TACC2: variants seen among roughly 807,000 people sequenced by gnomAD.
TACC2 encodes the protein transforming acidic coiled-coil-containing protein 2.
TACC2 carries 137 observed loss-of-function variants against 227.3 expected under a neutral mutation model. The ratio of observed to expected loss-of-function variants is 0.60; its 90% CI spans 0.52 to 0.69. The LOEUF (loss-of-function observed/expected upper bound fraction) is 0.69. TACC2 is among the 30% of genes least tolerant of loss of function. TACC2 has a pLI of 0.00. For missense variants in TACC2, 3,470 were observed against 3,694.4 expected, an observed-to-expected ratio of 0.94 and a Z score of 1.57; for synonymous variants, 1,523 against 1,487.5, an observed-to-expected ratio of 1.02 and a Z score of -0.55.
chr10:122,105,286 C>A (rs1357024961), intron 5 of TACC2, among the ~76,000 whole-genome samples: 2 of 146,802 alleles, frequency 1.4e-5, no homozygotes, highest in African/African-American at 5.5e-5. Flanking sequence ...TCACATATTG[C>A]CTGTCAGTTA....
chr10:122,219,642 A>C (rs11200486), intron 11 of TACC2, among the ~76,000 whole-genome samples: 37,283 of 152,132 alleles, frequency 0.25, 5,451 homozygotes, highest in Middle Eastern at 0.39. Context: ...ACATCTGAGC[A>C]CAGGCCTCAG....
chr10:122,103,856 G>A (rs1189771775), intron 5 of TACC2, among the ~76,000 whole-genome samples: 2 of 152,176 alleles, frequency 1.3e-5, no homozygotes, highest in Admixed American at 6.5e-5. Context: ...AGGCCCAGCC[G>A]ACCAGCTGCC....
At position 122,205,658 on chromosome 10, in the gene TACC2, A is replaced by G. The variant is rs151027528; in HGVS notation, c.5972-4739A>G. Among the ~76,000 whole-genome samples, 1 of 152,178 alleles carries G rather than the reference A, an allele frequency of 6.6e-6. No homozygotes were observed. The highest frequency in any genetic ancestry group is 1.5e-5 in the Non-Finnish European group (1 of 68,018). On this transcript the variant is annotated intron_variant, in intron 8 of 22. Coordinates refer to ENST00000369005, the MANE Select transcript of TACC2 (RefSeq NM_206862.4). This position sits in a 1 kb window ranked among gnomAD's most constrained non-coding sequence, Gnocchi z 4.5. ...AGGCGCACCTGTGGCACCTGTTACGATGGGGGCCCTGAGCCCCCACCCCAG... is the reference window on the plus strand; with the variant it reads ...AGGCGCACCTGTGGCACCTGTTACGGTGGGGGCCCTGAGCCCCCACCCCAG...
At chr10:122,093,925 T>C (rs2081095870) in intron 5 of TACC2, among the ~76,000 whole-genome samples, 1 of 152,194 alleles carries the variant, frequency 6.6e-6, no homozygotes, top group Admixed American at 6.5e-5. Flanking sequence ...TAACAGACCC[T>C]GCAGGAATCT....
At position 122,083,244 on chromosome 10, in the gene TACC2, G is replaced by T; in HGVS notation, c.744G>T (p.Val248=). 1 of 1,613,524 alleles carries T rather than the reference G, an allele frequency of 6.2e-7. No homozygotes were observed. Among genetic ancestry groups the T allele is most frequent in the African/African-American group, 1.3e-5 (1 of 74,996 alleles). ...ESRQGVASVQ[V]TPEAPAAAQQ... Reference sequence around the variant, plus strand: ...GGCAGGGGGTGGCTTCTGTGCAAGTGACCCCTGAGGCCCCTGCTGCAGCCC... The same window carrying T: ...GGCAGGGGGTGGCTTCTGTGCAAGTTACCCCTGAGGCCCCTGCTGCAGCCC... Residue 248 remains valine, a synonymous_variant, in exon 4 of 23, where the codon GTG becomes GTT. Transcript: ENST00000369005.
chr10:122,218,074 A>G (rs2095447535), intron 11 of TACC2, among the ~76,000 whole-genome samples: 1 of 152,042 alleles, frequency 6.6e-6, no homozygotes, highest in South Asian at 2.1e-4. Context: ...CCTCCTGAGT[A>G]GCTAGGATTA....
chr10:122,186,107 T>G (rs1054725955), intron 7 of TACC2, among the ~76,000 whole-genome samples: 1 of 152,022 alleles, frequency 6.6e-6, no homozygotes, highest in Non-Finnish European at 1.5e-5. Flanking sequence ...TTTTGTATTT[T>G]TAGTAGAGAC....
intron 2 of TACC2, among the ~76,000 whole-genome samples, chr10:122,028,647 G>C (rs1958406639): frequency 6.6e-6 from 1 of 152,008 alleles, no homozygotes; most frequent in African/African-American, 2.4e-5. Context: ...ATTTTTCTAT[G>C]TATGTAATCA....
At chr10:122,089,129 A>G in intron 5 of TACC2, among the ~76,000 whole-genome samples, 1 of 152,116 alleles carries the variant, frequency 6.6e-6, no homozygotes, top group Admixed American at 6.5e-5. Flanking sequence ...AAAGAAAAGA[A>G]TCTTTATTGA....
In TACC2 at chr10:122,119,247, C is replaced by T. The variant is rs539799236; in HGVS notation, c.5574-13362C>T. On this transcript the variant is annotated intron_variant, in intron 5 of 22. Coordinates refer to ENST00000369005, the MANE Select transcript of TACC2 (RefSeq NM_206862.4). ...AAGTAATGCATTTATCTCCATTTTA[C>T]AGGTTCAGAAACTGAAGCTCAAAGA... Among the ~76,000 whole-genome samples the T allele has an allele frequency of 2.0e-5, 3 of 152,300 alleles. No individual in the cohort carries two copies. In the East Asian group the frequency reaches 5.8e-4, roughly 29 times the overall value.
At chr10:122,149,525 C>A (rs1326991670) in intron 7 of TACC2, among the ~76,000 whole-genome samples, 1 of 152,116 alleles carries the variant, frequency 6.6e-6, no homozygotes, top group African/African-American at 2.4e-5. Flanking sequence ...GGCAGCTGCC[C>A]CAAATTGCTC....
chr10:122,139,479 T>C (rs2090212964), intron 6 of TACC2, among the ~76,000 whole-genome samples: 1 of 152,240 alleles, frequency 6.6e-6, no homozygotes, highest in Non-Finnish European at 1.5e-5. Context: ...TTTCAGTGGC[T>C]GCCTCTGAGA....
At position 122,209,911 on chromosome 10, in the gene TACC2, C is replaced by CA. The variant is rs1278580382; in HGVS notation, c.5972-483dup. 1 of 162,844 alleles carries CA rather than the reference C, an allele frequency of 6.1e-6. No homozygotes were observed. Among genetic ancestry groups the CA allele is most frequent in the African/African-American group, 2.4e-5 (1 of 41,638 alleles). The allele number at this position is 162,844 out of a possible 1,614,324, so 10.1% of individuals were successfully genotyped here. A position where few individuals can be genotyped will look rare whatever the true frequency, so the allele number is the denominator to read the frequency against. On this transcript the variant is annotated intron_variant, in intron 8 of 22. Coordinates refer to ENST00000369005, the MANE Select transcript of TACC2 (RefSeq NM_206862.4). The surrounding 1 kb of genome is among the most constrained non-coding windows in gnomAD (Gnocchi z 4.5). ...TTCACCATGATGACCAGGCTGGTCT[C>CA]AAACTCCTGACCTCAAGTGATCTGC... is the stretch of plus-strand genomic sequence containing the variant.
intron 16 of TACC2, among the ~76,000 whole-genome samples, chr10:122,233,802 G>C (rs1037563252): frequency 2.0e-5 from 3 of 152,162 alleles, no homozygotes; most frequent in African/African-American, 7.2e-5. Flanking sequence ...GTGGGCAGGA[G>C]CGGCTGGCTG....
At chr10:122,102,801 G>A (rs575750109) in intron 5 of TACC2, among the ~76,000 whole-genome samples, 4 of 152,268 alleles carry the variant, frequency 2.6e-5, no homozygotes, top group South Asian at 2.1e-4. Flanking sequence ...GGAAAATGCC[G>A]AGGCCACATC....
chr10:122,226,454 T>C lies in TACC2; in HGVS notation c.7697T>C (p.Met2566Thr). ...CCTGTCAAGTCATCTCCCGTCCGCA[T>C]GTCAGAGTCCCCGACGCCGTGTTCA... Reference protein sequence around the residue: ...ESPVKSSPVRMSESPTPCSGS... With the variant: ...ESPVKSSPVRTSESPTPCSGS... The change falls in exon 13 of 23, where the codon ATG becomes ACG. Residue 2566 changes from methionine (M) to threonine (T), a missense_variant. By Grantham distance (81) the Met-to-Thr change is moderately conservative. Coordinates refer to ENST00000369005, the MANE Select transcript of TACC2 (RefSeq NM_206862.4). 3.1e-6 allele frequency: 5 copies of C among 1,613,996 alleles called. No homozygotes were observed. The highest frequency in any genetic ancestry group is 3.4e-6 in the Non-Finnish European group (4 of 1,179,946).
Position 122,087,232 on chromosome 10 carries a change from C to T in TACC2, c.4732C>T (p.Gln1578Ter). 6.2e-7 allele frequency: 1 copy of T among 1,613,368 alleles called. No homozygotes were observed. The highest frequency in any genetic ancestry group is 8.5e-7 in the Non-Finnish European group (1 of 1,179,844). ...ELPVERAAAF[Q>*]VAPHSHGEEA... ...CCCTGTGGAGAGAGCTGCTGCCTTCCAGGTGGCTCCCCATAGCCATGGAGA... is the reference window on the plus strand; with the variant it reads ...CCCTGTGGAGAGAGCTGCTGCCTTCTAGGTGGCTCCCCATAGCCATGGAGA... The change falls in exon 4 of 23, where the codon CAG becomes TAG. Residue 1578 changes from glutamine (Q) to a stop codon, truncating the protein, a stop_gained. Coordinates refer to ENST00000369005, the MANE Select transcript of TACC2 (RefSeq NM_206862.4). LOFTEE classifies it high-confidence loss of function.
intron 7 of TACC2, among the ~76,000 whole-genome samples, chr10:122,151,621 G>C (rs908944089): frequency 6.6e-6 from 1 of 152,074 alleles, no homozygotes; most frequent in Non-Finnish European, 1.5e-5. Flanking sequence ...TCAAGCAGGG[G>C]AGAGTCAGGA....
At chr10:122,004,846 G>T (rs922576418) in intron 1 of TACC2, among the ~76,000 whole-genome samples, 1 of 152,030 alleles carries the variant, frequency 6.6e-6, no homozygotes, top group Admixed American at 6.6e-5. Flanking sequence ...AACATGTTGG[G>T]CACTTACAAT....
Sources: allele counts gnomAD v4.1 joint callset (sites outside exome capture counted in the v4.1 genomes callset), GRCh38; gene constraint gnomAD v4.1.1; non-coding constraint Gnocchi (gnomAD v3.1); transcripts MANE v1.5; gene names NCBI Gene and HGNC (gene_info 2026-07-23, HGNC 2026-07-21).